The following MACROD2 variants were observed in gnomAD, a reference collection of about 807,000 sequenced individuals.
The protein encoded by MACROD2 is mono-ADP ribosylhydrolase 2.
In MACROD2, 36 loss-of-function variants were observed where a neutral mutation model predicts 70.4. The observed-to-expected ratio is 0.51, with a 90% CI of 0.39 to 0.68. The LOEUF (loss-of-function observed/expected upper bound fraction) is 0.68, where lower values mean the gene tolerates loss of function less well. Among genes scored for constraint, MACROD2 ranks in the 30% least tolerant of loss-of-function variants. The pLI is 0.00. For synonymous variants in MACROD2, 172 were observed against 178.8 expected (o/e 0.96, Z 0.30); for missense variants, 496 against 538.4 (o/e 0.92, Z 0.78).
chr20:15,678,799 A>G (rs2050116237), intron 8 of MACROD2, among the ~76,000 whole-genome samples: 2 of 151,810 alleles, frequency 1.3e-5, no homozygotes, highest in African/African-American at 4.8e-5. Context: ...GTGTGTTGGG[A>G]AACTGATAAT....
intron 5 of MACROD2, chr20:14,895,546 G>A (rs977340372): frequency 4.6e-5 from 7 of 152,084 alleles, no homozygotes; most frequent in African/African-American, 1.7e-4. Context: ...GGAACAAAGG[G>A]TATCATAATG....
At position 15,480,809 on chromosome 20, in the gene MACROD2, C is replaced by T. The variant is rs147845812; in HGVS notation, c.572-18965C>T. On this transcript the variant is annotated intron_variant, in intron 7 of 17. Transcript: ENST00000684519. Reference sequence around the variant, plus strand: ...CGTTGATACCATCTTTTTGGAATGACGTTGTCCCTCCATGACTGTGGTTAG... The same window carrying T: ...CGTTGATACCATCTTTTTGGAATGATGTTGTCCCTCCATGACTGTGGTTAG... Among the ~76,000 whole-genome samples, 928 of 152,230 alleles carry T rather than the reference C, an allele frequency of 6.1e-3. 3 individuals carry two copies. Among genetic ancestry groups the T allele is most frequent in the Non-Finnish European group, 9.9e-3 (676 of 68,022 alleles).
intron 13 of MACROD2, among the ~76,000 whole-genome samples, chr20:15,973,156 C>T (rs6135622): frequency 0.13 from 19,817 of 151,928 alleles, 1,466 homozygotes; most frequent in East Asian, 0.25. Flanking sequence ...TATATAGTTT[C>T]TGTATTTGCA....
intron 8 of MACROD2, among the ~76,000 whole-genome samples, chr20:15,663,607 A>G (rs540275929): frequency 4.6e-5 from 7 of 150,800 alleles, no homozygotes; most frequent in Non-Finnish European, 1.0e-4. Flanking sequence ...ACTTGGAAAA[A>G]AACCACAACA....
At chr20:15,811,278 G>T (rs1323359628) in intron 8 of MACROD2, among the ~76,000 whole-genome samples, 1 of 151,278 alleles carries the variant, frequency 6.6e-6, no homozygotes, top group African/African-American at 2.4e-5. Context: ...GTGGGCAAAG[G>T]ATATGAACAG....
intron 3 of MACROD2, among the ~76,000 whole-genome samples, chr20:14,348,268 C>CAAAAAAA (rs545110146): frequency 2.7e-5 from 2 of 73,982 alleles, no homozygotes; most frequent in South Asian, 3.4e-4. Flanking sequence ...GACTCCGTCT[C>CAAAAAAA]AAAAAAAAAA....
At chr20:14,670,155 G>A (rs553405166) in intron 4 of MACROD2, among the ~76,000 whole-genome samples, 6 of 151,998 alleles carry the variant, frequency 3.9e-5, no homozygotes, top group South Asian at 2.1e-4. Context: ...TTACAGCACC[G>A]TTTTCACCAG....
chr20:15,153,986 T>C (rs2076289581), intron 5 of MACROD2, among the ~76,000 whole-genome samples: 2 of 152,174 alleles, frequency 1.3e-5, no homozygotes, highest in African/African-American at 2.4e-5. Context: ...CCTTGCTGTT[T>C]GAGGGTGCAT....
intron 5 of MACROD2, among the ~76,000 whole-genome samples, chr20:14,824,429 C>G (rs1428007009): frequency 3.3e-5 from 5 of 152,036 alleles, no homozygotes; most frequent in African/African-American, 1.2e-4. Flanking sequence ...ACAGTTTGGA[C>G]AAGATTCAGT....
At chr20:16,036,857 A>G (rs1373669109) in intron 15 of MACROD2, among the ~76,000 whole-genome samples, 1 of 152,008 alleles carries the variant, frequency 6.6e-6, no homozygotes, top group African/African-American at 2.4e-5. Context: ...ACACATATGC[A>G]TCATATTCAC....
chr20:15,254,987 T>C (rs2077187151), intron 6 of MACROD2, among the ~76,000 whole-genome samples: 1 of 135,402 alleles, frequency 7.4e-6, no homozygotes, highest in South Asian at 2.5e-4. Context: ...GTGAACACAA[T>C]ATAGTGGTAC....
chr20:15,863,078 G>A (rs1353935843), intron 9 of MACROD2, among the ~76,000 whole-genome samples: 1 of 151,826 alleles, frequency 6.6e-6, no homozygotes, highest in Non-Finnish European at 1.5e-5. Context: ...TCAAAACTGA[G>A]GGGCTAATTA....
intron 5 of MACROD2, among the ~76,000 whole-genome samples, chr20:15,209,598 G>C (rs1224186888): frequency 6.6e-6 from 1 of 152,160 alleles, no homozygotes; most frequent in Non-Finnish European, 1.5e-5. Flanking sequence ...GTTTGGAAGA[G>C]GGGTGCAAAG....
chr20:14,248,644 A>G (rs2081986607), intron 3 of MACROD2, among the ~76,000 whole-genome samples: 1 of 152,090 alleles, frequency 6.6e-6, no homozygotes, highest in African/African-American at 2.4e-5. Context: ...CTATGTGCAT[A>G]AAATGCATAT....
chr20:14,784,548 A>T (rs1458395482), intron 5 of MACROD2, among the ~76,000 whole-genome samples: 1 of 151,796 alleles, frequency 6.6e-6, no homozygotes, highest in East Asian at 1.9e-4. Flanking sequence ...AGGTGCTGGC[A>T]TGCAATTACT....
intron 5 of MACROD2, among the ~76,000 whole-genome samples, chr20:15,134,306 G>A (rs1020275106): frequency 1.3e-5 from 2 of 150,790 alleles, no homozygotes; most frequent in South Asian, 2.1e-4. Context: ...GGCGGATCAC[G>A]AGGTCAGGAG....
At chr20:14,260,350 T>C (rs577487746) in intron 3 of MACROD2, among the ~76,000 whole-genome samples, 1 of 152,334 alleles carries the variant, frequency 6.6e-6, no homozygotes, top group African/African-American at 2.4e-5. Context: ...CAGAATTAAC[T>C]TCATAGGATT....
At chr20:15,951,850 A>G (rs2065910678) in intron 12 of MACROD2, among the ~76,000 whole-genome samples, 2 of 152,188 alleles carry the variant, frequency 1.3e-5, no homozygotes, top group Non-Finnish European at 2.9e-5. Flanking sequence ...AACCACACCT[A>G]TCTTAAACAC....
At chr20:15,766,842 A>C (rs1385818705) in intron 8 of MACROD2, among the ~76,000 whole-genome samples, 1 of 152,202 alleles carries the variant, frequency 6.6e-6, no homozygotes, top group African/African-American at 2.4e-5. Context: ...CTTAGCTTGG[A>C]GTTCTCTCCA....
Sources: allele counts gnomAD v4.1 joint callset (sites outside exome capture counted in the v4.1 genomes callset), GRCh38; gene constraint gnomAD v4.1.1; transcripts MANE v1.5; gene names NCBI Gene and HGNC (gene_info 2026-07-23, HGNC 2026-07-21).